The following WDR62 variants were observed in gnomAD, a reference collection of about 807,000 sequenced individuals.
WDR62 encodes the protein WD repeat domain 62.
WDR62 carries 112 observed loss-of-function variants against 160.6 expected under a neutral mutation model. The ratio of observed to expected loss-of-function variants is 0.70; its 90% CI spans 0.60 to 0.82. WDR62 has a LOEUF of 0.82. Ranked by LOEUF, WDR62 falls within the 40% of genes least tolerant of loss-of-function variation. The pLI, the probability that WDR62 is intolerant of heterozygous loss-of-function variation, is 0.00. For synonymous variants in WDR62, 792 were observed against 815.1 expected, an observed-to-expected ratio of 0.97 and a Z score of 0.48; for missense variants, 1,819 against 1,983.8, an observed-to-expected ratio of 0.92 and a Z score of 1.58.
intron 9 of WDR62, among the ~76,000 whole-genome samples, chr19:36,076,554 T>C (rs1971577050): frequency 6.9e-6 from 1 of 145,248 alleles, no homozygotes; most frequent in African/African-American, 2.6e-5. Flanking sequence ...GGAGATCCTA[T>C]CTCAAAAAAA....
chr19:36,078,950 G>A (rs747853466), intron 9 of WDR62, among the ~76,000 whole-genome samples: 2 of 136,304 alleles, frequency 1.5e-5, no homozygotes, highest in Non-Finnish European at 3.1e-5. Flanking sequence ...ATTTGACCTT[G>A]GTCCTTTCCT....
chr19:36,110,329 G>A, the WDR62 span, among the ~76,000 whole-genome samples: 13 of 152,202 alleles, frequency 8.5e-5, no homozygotes, highest in Non-Finnish European at 1.5e-4. Flanking sequence ...AAATTAGCCC[G>A]GTGTGGTGGT....
chr19:36,066,096 G>T, intron 4 of WDR62, 81 bp downstream of exon 4: 1 of 1,589,068 alleles, frequency 6.3e-7, no homozygotes, highest in South Asian at 1.1e-5. Context: ...GCAGGCCTGG[G>T]AGTCCCTGGA....
chr19:36,083,116 G>A lies in WDR62; in HGVS notation c.1425G>A (p.Met475Ile). ...VENDIQHLQD[M>I]SHFPDRGSEN... ...ATGACATCCAGCACCTGCAGGACATGTCACACTTCCCAGACCGGGGGAGCG... is the reference window on the plus strand; with the variant it reads ...ATGACATCCAGCACCTGCAGGACATATCACACTTCCCAGACCGGGGGAGCG... The change falls in exon 11 of 32, where the codon ATG (methionine) becomes ATA (isoleucine). Residue 475 changes from methionine to isoleucine, a missense_variant. Coordinates refer to ENST00000401500, the MANE Select transcript of WDR62 (RefSeq NM_001083961.2). The A allele has an allele frequency of 6.2e-7, 1 of 1,613,726 alleles. No homozygotes were observed. The highest frequency in any genetic ancestry group is 8.5e-7 in the Non-Finnish European group (1 of 1,179,828).
chr19:36,060,437 C>A, intron 3 of WDR62: 1 of 210,570 alleles, frequency 4.7e-6, no homozygotes, highest in Non-Finnish European at 9.8e-6. Flanking sequence ...GTAGGGAGAG[C>A]GCTTCAGGCA....
intron 2 of WDR62, 39 bp from the exon 3 acceptor site, chr19:36,059,929 C>T (rs1350327767): frequency 6.2e-7 from 1 of 1,609,632 alleles, no homozygotes; most frequent in African/African-American, 1.3e-5. Flanking sequence ...GACCCCAACA[C>T]TCCCCACAGT....
intron 13 of WDR62, among the ~76,000 whole-genome samples, chr19:36,087,643 C>T (rs1314593293): frequency 1.3e-5 from 2 of 151,326 alleles, no homozygotes; most frequent in African/African-American, 4.9e-5. Context: ...ATAGTGAAAC[C>T]CCGTCTCTAC....
In WDR62 at chr19:36,083,177, C is replaced by G; in HGVS notation, c.1486C>G (p.Arg496Gly). 1 of 1,611,506 alleles carries G rather than the reference C, an allele frequency of 6.2e-7. No homozygotes were observed. The highest frequency in any genetic ancestry group is 8.5e-7 in the Non-Finnish European group (1 of 1,178,720). The change falls in exon 11 of 32, where the codon CGG becomes GGG. Residue 496 changes from arginine (R) to glycine (G), a missense_variant. By Grantham distance (125) the Arg-to-Gly change is moderately radical (BLOSUM62 -2). Transcript: ENST00000401500. Reference sequence around the variant, plus strand: ...ACCCATGGACGTGAAAGCCGGGGTGCGGGTCATGCAGGTCAGTCCTGACGG... The same window carrying G: ...ACCCATGGACGTGAAAGCCGGGGTGGGGGTCATGCAGGTCAGTCCTGACGG... Reference protein sequence around the residue: ...GTPMDVKAGVRVMQVSPDGQH... With the variant: ...GTPMDVKAGVGVMQVSPDGQH...
At chr19:36,107,693 TCAAA>T (rs1010790203), downstream of WDR62, among the ~76,000 whole-genome samples, 21 of 152,074 alleles carry the variant, frequency 1.4e-4, no homozygotes, top group South Asian at 4.2e-4. Flanking sequence ...ATGTTGCAGC[TCAAA>T]CAAAGAGGTT....
At chr19:36,092,334 A>G (rs1972669561) in intron 18 of WDR62, among the ~76,000 whole-genome samples, 1 of 151,514 alleles carries the variant, frequency 6.6e-6, no homozygotes, top group African/African-American at 2.4e-5. Flanking sequence ...AGAAAATTGT[A>G]TGGTGAGAAA....
At position 36,092,684 on chromosome 19, in the gene WDR62, C is replaced by T. The variant is rs988922726; in HGVS notation, c.2211-5C>T. On this transcript the variant is annotated splice_region_variant and splice_polypyrimidine_tract_variant and intron_variant, in intron 18 of 31. Coordinates refer to ENST00000401500, the MANE Select transcript of WDR62 (RefSeq NM_001083961.2). ...GCCTTGTGTGTCTCTCTTTGACCTCCGCAGCTGCGTGTTCATCTGGCACCT... is the reference window on the plus strand; with the variant it reads ...GCCTTGTGTGTCTCTCTTTGACCTCTGCAGCTGCGTGTTCATCTGGCACCT... 4 of 1,614,094 alleles carry T rather than the reference C, an allele frequency of 2.5e-6. No individual in the cohort carries two copies. Among genetic ancestry groups the T allele is most frequent in the African/African-American group, 1.3e-5 (1 of 75,050 alleles).
At chr19:36,059,874 CTTGT>C (rs1380807904) in intron 2 of WDR62, 90 bp from the exon 3 acceptor site, 2 of 1,340,602 alleles carry the variant, frequency 1.5e-6, no homozygotes, top group African/African-American at 1.4e-5. Context: ...ACCGAGGGAG[CTTGT>C]TTATTTGTGG....
chr19:36,090,934 T>C (rs1046036126), intron 16 of WDR62, among the ~76,000 whole-genome samples: 1 of 152,244 alleles, frequency 6.6e-6, no homozygotes, highest in Non-Finnish European at 1.5e-5. Context: ...CATCATCTCT[T>C]GAAATGCACA....
downstream of WDR62, among the ~76,000 whole-genome samples, chr19:36,108,357 TC>T (rs887938817): frequency 6.6e-6 from 1 of 150,848 alleles, no homozygotes; most frequent in Non-Finnish European, 1.5e-5. Context: ...TCACTGCAAC[TC>T]CCCCCCTGCT....
intron 3 of WDR62, among the ~76,000 whole-genome samples, chr19:36,064,432 C>T (rs1385754654): frequency 4.6e-5 from 7 of 152,080 alleles, no homozygotes; most frequent in Non-Finnish European, 8.8e-5. Context: ...CCCACCACCA[C>T]GCCTGGCTAA....
intron 20 of WDR62, 35 bp from the exon 21 acceptor site, chr19:36,096,991 GT>G: frequency 6.3e-7 from 1 of 1,592,842 alleles, no homozygotes; most frequent in South Asian, 1.1e-5. Context: ...TTGTTGGGTT[GT>G]TTGTCCTCTT....
rs147652186 is a variant in WDR62 at position 36,104,523 on chromosome 19, C to A, written c.4159C>A (p.Leu1387Ile). 878 of 1,613,774 alleles carry A rather than the reference C, an allele frequency of 5.4e-4. 4 individuals are homozygous for A. In the Middle Eastern group the frequency reaches 6.8e-3, roughly 12 times the overall value. The change falls in exon 31 of 32, where the codon CTT (leucine) becomes ATT (isoleucine). Residue 1387 changes from leucine (L) to isoleucine (I), a missense_variant. Transcript: ENST00000401500. ...TTCCCTTCTCTCTACCCCAGGTGCA[C>A]TTGGTCTGTTACAGGGCAGCCCTGC... The part of the protein sequence containing the change: ...ASLLEPTSGA[L>I]GLLQGSPARW...
At chr19:36,060,569 C>CT (rs1970595768) in intron 3 of WDR62, 2 of 169,320 alleles carry the variant, frequency 1.2e-5, no homozygotes, top group African/African-American at 2.4e-5. Flanking sequence ...AGGCAGAAGC[C>CT]ACATCCCGTA....
chr19:36,110,815 T>C, the WDR62 span, among the ~76,000 whole-genome samples: 1 of 152,300 alleles, frequency 6.6e-6, no homozygotes, highest in African/African-American at 2.4e-5. Flanking sequence ...GGCAGGCTGC[T>C]GGATGTCCCC....
Sources: gnomAD v4.1 joint callset for allele counts (sites outside exome capture counted in the v4.1 genomes callset) on GRCh38, gnomAD v4.1.1 for gene constraint, MANE v1.5 for transcripts, NCBI Gene and HGNC (gene_info 2026-07-23, HGNC 2026-07-21) for gene names.